The following RBBP8 variants were observed in gnomAD, a reference collection of about 807,000 sequenced individuals.
RBBP8 encodes RB binding protein 8, endonuclease.
Under a neutral mutation model 108.3 loss-of-function variants are expected in RBBP8, and 88 were observed. That is an observed-to-expected ratio of 0.81 (90% confidence interval 0.68 to 0.97). The LOEUF (loss-of-function observed/expected upper bound fraction) is 0.97. RBBP8 is among the 50% of genes least tolerant of loss of function. The probability of loss-of-function intolerance (pLI) is 0.00; values close to 1 mark genes in which losing one functional copy is unlikely to be tolerated. For missense variants in RBBP8, 1,023 were observed against 1,049.0 expected (o/e 0.98, Z 0.34); for synonymous variants, 332 against 348.2 (o/e 0.95, Z 0.52).
At chr18:22,953,426 C>T (rs558816600) in intron 4 of RBBP8, among the ~76,000 whole-genome samples, 1 of 152,314 alleles carries the variant, frequency 6.6e-6, no homozygotes, top group African/African-American at 2.4e-5. Flanking sequence ...AAAATTATTA[C>T]ACTCAAATTT....
intron 17 of RBBP8, among the ~76,000 whole-genome samples, chr18:23,019,508 G>C (rs989774823): frequency 1.3e-5 from 2 of 152,192 alleles, no homozygotes; most frequent in Non-Finnish European, 2.9e-5. Context: ...CAATACTCAT[G>C]TGGATCTGAG....
intron 17 of RBBP8, among the ~76,000 whole-genome samples, chr18:23,020,893 C>T (rs1052172485): frequency 3.3e-5 from 5 of 152,194 alleles, no homozygotes; most frequent in African/African-American, 1.2e-4. Flanking sequence ...ACTAAGGTAA[C>T]AAAGGCTTAT....
intron 18 of RBBP8, among the ~76,000 whole-genome samples, chr18:23,024,167 G>A (rs570958833): frequency 4.0e-5 from 6 of 150,052 alleles, no homozygotes; most frequent in East Asian, 4.0e-4. Flanking sequence ...TTACAGGCTC[G>A]AGCCACCACG....
chr18:22,949,792 G>T, intron 4 of RBBP8, 79 bp downstream of exon 4: 1 of 1,113,292 alleles, frequency 9.0e-7, no homozygotes. Flanking sequence ...TTTGTAATTA[G>T]TTTTGGGATT....
chr18:22,979,601 C>T lies in RBBP8; in HGVS notation c.429-2617C>T, dbSNP rs1469518926. Among the ~76,000 whole-genome samples the T allele has an allele frequency of 1.3e-5, 2 of 152,124 alleles. 1 individual carries two copies. Among genetic ancestry groups the T allele is most frequent in the East Asian group, 3.8e-4 (2 of 5,198 alleles). On this transcript the variant is annotated intron_variant, in intron 6 of 18. Transcript: ENST00000327155. ...GTCTAATAGGACAGACTGATTTGGT[C>T]ATGTAAAGCCTAAATGTCTGACAGA...
intron 10 of RBBP8, among the ~76,000 whole-genome samples, 182 bp downstream of exon 10, chr18:22,991,231 G>A (rs1355945810): frequency 1.3e-5 from 2 of 152,128 alleles, no homozygotes; most frequent in African/African-American, 4.8e-5. Context: ...TTGCATTACA[G>A]TAGAAAGGTG....
At chr18:22,982,473 G>C in intron 7 of RBBP8, 80 bp downstream of exon 7, 1 of 1,599,600 alleles carries the variant, frequency 6.3e-7, no homozygotes, top group Non-Finnish European at 8.5e-7. Flanking sequence ...ATTCAATCTA[G>C]TGATAAGAAG....
chr18:22,936,738 C>A lies in RBBP8; in HGVS notation c.-98-16C>A. On this transcript the variant is annotated splice_polypyrimidine_tract_variant and intron_variant, in intron 1 of 18. Transcript: ENST00000327155. ...ATAAATGCAAAGTTCATTTATGTTGCAATCTGTCATTTCAGGTATTTGACC... is the reference window on the plus strand; with the variant it reads ...ATAAATGCAAAGTTCATTTATGTTGAAATCTGTCATTTCAGGTATTTGACC... 8.5e-7 allele frequency: 1 copy of A among 1,169,740 alleles called. No individual in the cohort carries two copies. Among genetic ancestry groups the A allele is most frequent in the Non-Finnish European group, 1.3e-6 (1 of 789,100 alleles). The allele number at this position is 1,169,740 out of a possible 1,614,324, so 72.5% of individuals were successfully genotyped here.
intron 16 of RBBP8, among the ~76,000 whole-genome samples, chr18:23,007,260 A>G (rs1363177471): frequency 6.6e-6 from 1 of 151,148 alleles, no homozygotes; most frequent in African/African-American, 2.4e-5. Flanking sequence ...ACCTCAGGTG[A>G]TCCACCCGCC....
intron 16 of RBBP8, among the ~76,000 whole-genome samples, chr18:23,006,731 G>A (rs1249446475): frequency 6.6e-6 from 1 of 151,860 alleles, no homozygotes; most frequent in Non-Finnish European, 1.5e-5. Context: ...TGAACTCCTG[G>A]GCTCAAGCCA....
intron 5 of RBBP8, among the ~76,000 whole-genome samples, chr18:22,971,071 C>T (rs1393628103): frequency 6.6e-6 from 1 of 151,904 alleles, no homozygotes; most frequent in Non-Finnish European, 1.5e-5. Flanking sequence ...GGTACTTTTT[C>T]AGGCCTCGTA....
chr18:23,022,325 G>A, intron 18 of RBBP8, 55 bp downstream of exon 18: 3 of 1,522,082 alleles, frequency 2.0e-6, no homozygotes, highest in Admixed American at 3.5e-5. Flanking sequence ...ACTTGGCCGG[G>A]CACAGTGGCT....
intron 5 of RBBP8, 83 bp from the exon 6 acceptor site, chr18:22,975,070 A>T (rs1028758040): frequency 4.2e-6 from 6 of 1,435,932 alleles, no homozygotes; most frequent in Admixed American, 2.1e-5. Flanking sequence ...TTCTTCATAC[A>T]TGCTGACATA....
chr18:22,993,886 A>G (rs1466549993), intron 12 of RBBP8, 39 bp downstream of exon 12: 1 of 1,590,446 alleles, frequency 6.3e-7, no homozygotes, highest in Admixed American at 1.7e-5. Context: ...TTTTTTAATG[A>G]CTTCAGATTG....
Position 23,001,709 on chromosome 18 carries a change from C to G in RBBP8, c.2267C>G (p.Thr756Ser). The change falls in exon 15 of 19, where the codon ACT becomes AGT. Residue 756 changes from threonine (T) to serine (S), a missense_variant. Coordinates refer to ENST00000327155, the MANE Select transcript of RBBP8 (RefSeq NM_002894.3). ...QAADEEEELSTATKKLHTHGD... is the reference protein window; with the variant it reads ...QAADEEEELSSATKKLHTHGD... ...GCAGATGAAGAGGAGGAATTGTCTA[C>G]TGCCACAAAGAAACTACACAGTAAG... is the stretch of plus-strand genomic sequence containing the variant. The G allele has an allele frequency of 6.2e-7, 1 of 1,614,132 alleles. No individual in the cohort carries two copies. The highest frequency in any genetic ancestry group is 1.1e-5 in the South Asian group (1 of 91,082).
rs1017224600 is a variant in RBBP8 at position 23,009,435 on chromosome 18, AGTAC to A, written c.2357+3004_2357+3007del. ...TTTTTTGCAGTTATGCCACCAACTC[AGTAC>A]CTTATTTTGCTTTTGATTTTTTAGG... On this transcript the variant is annotated intron_variant, in intron 16 of 18. Transcript: ENST00000327155. 2.1e-4 allele frequency among the ~76,000 whole-genome samples: 32 copies of A among 151,298 alleles called. 1 individual carries two copies. The highest frequency in any genetic ancestry group is 1.9e-3 in the Admixed American group (29 of 15,180).
In RBBP8 at chr18:23,016,941, A is replaced by G. The variant is rs2046266239; in HGVS notation, c.2454+17A>G. Reference sequence around the variant, plus strand: ...TGTGAAATTGTAAGTACTAATGTAGATACTAATTTTTTTTTAAGTACGGCT... The same window carrying G: ...TGTGAAATTGTAAGTACTAATGTAGGTACTAATTTTTTTTTAAGTACGGCT... On this transcript the variant is annotated intron_variant, in intron 17 of 18. Transcript: ENST00000327155. 1.9e-6 allele frequency: 3 copies of G among 1,569,934 alleles called. No individual in the cohort carries two copies. The highest frequency in any genetic ancestry group is 1.8e-6 in the Non-Finnish European group (2 of 1,140,318).
intron 8 of RBBP8, among the ~76,000 whole-genome samples, chr18:22,986,920 A>G (rs984407619): frequency 2.6e-5 from 4 of 152,124 alleles, no homozygotes; most frequent in African/African-American, 9.7e-5. Context: ...GCTCTCTAGA[A>G]CCAATTCTGT....
At position 22,993,755 on chromosome 18, in the gene RBBP8, C is replaced by G. The variant is rs201789881; in HGVS notation, c.1847C>G (p.Thr616Ser). The change falls in exon 12 of 19, where the codon ACC (threonine) becomes AGC (serine). Residue 616 changes from threonine (T) to serine (S), a missense_variant. Thr to Ser is a moderately conservative substitution (Grantham distance 58). Coordinates refer to ENST00000327155, the MANE Select transcript of RBBP8 (RefSeq NM_002894.3). ...AGSHEPIKIQ[T>S]RSDHGGCELA... is the part of the protein sequence containing the mutation. ...TCTCATGAGCCAATAAAAATACAAA[C>G]CAGGTCAGACCATGGAGGATGTGAA... 8.1e-6 allele frequency: 13 copies of G among 1,614,042 alleles called. No homozygotes were observed. The East Asian group carries it at 2.9e-4, about 36-fold the overall frequency.
Sources: gnomAD v4.1 joint callset for allele counts (sites outside exome capture counted in the v4.1 genomes callset) on GRCh38, gnomAD v4.1.1 for gene constraint, MANE v1.5 for transcripts, NCBI Gene and HGNC (gene_info 2026-07-23, HGNC 2026-07-21) for gene names.